Variants in CCDC146 observed in about 807,000 individuals in gnomAD.
CCDC146 encodes coiled-coil domain containing 146.
Under a neutral mutation model 119.3 loss-of-function variants are expected in CCDC146, and 92 were observed. That is an observed-to-expected ratio of 0.77 (90% CI 0.65 to 0.92). The LOEUF is 0.92. CCDC146 is among the 40% of genes least tolerant of loss of function. The pLI is 0.00. For synonymous variants in CCDC146, 372 were observed against 371.8 expected (o/e 1.00, Z -0.01); for missense variants, 1,000 against 1,103.0 (o/e 0.91, Z 1.32).
chr7:77,259,347 C>G, intron 7 of CCDC146: 1 of 315,478 alleles, frequency 3.2e-6, no homozygotes, highest in Non-Finnish European at 5.9e-6. Flanking sequence ...TTTAACAGAG[C>G]GGTGCATGGG....
At chr7:77,140,137 C>G (rs1167912782) in intron 1 of CCDC146, among the ~76,000 whole-genome samples, 1 of 151,754 alleles carries the variant, frequency 6.6e-6, no homozygotes, top group African/African-American at 2.4e-5. Context: ...TCAGATGATC[C>G]GCCTGCCTCG....
rs1420223623 is a variant in CCDC146 at position 77,167,721 on chromosome 7, A to C, written c.53A>C (p.Glu18Ala). The change falls in exon 2 of 19, where the codon GAA (glutamate) becomes GCA (alanine). Residue 18 changes from glutamate (E) to alanine (A), a missense_variant. Transcript: ENST00000285871. ...TEKEEEEEKD[E>A]KDQEPIYAIV... is the part of the protein sequence containing the mutation. ...AAAGAAGAGGAAGAGGAGAAAGATG[A>C]AAAGGATCAAGAGCCCATTTATGCC... 1 of 1,607,948 alleles carries C rather than the reference A, an allele frequency of 6.2e-7. No homozygotes were observed. The highest frequency in any genetic ancestry group is 8.5e-7 in the Non-Finnish European group (1 of 1,177,438).
chr7:77,267,341 G>C (rs1793425733), intron 9 of CCDC146, among the ~76,000 whole-genome samples: 1 of 152,134 alleles, frequency 6.6e-6, no homozygotes, highest in South Asian at 2.1e-4. Context: ...TCAGATAGAA[G>C]CTCTGTAGTT....
chr7:77,196,372 G>T lies in CCDC146; in HGVS notation c.156+28548G>T. ...GGTGTGCCTCACTTACACCAGGCCA[G>T]GTACCCCAGAAAATCCCATTACGGA... On this transcript the variant is annotated intron_variant, in intron 2 of 18. Coordinates refer to ENST00000285871, the MANE Select transcript of CCDC146 (RefSeq NM_020879.3). This position sits in a 1 kb window ranked among gnomAD's most constrained non-coding sequence, Gnocchi z 4.2. The T allele has an allele frequency of 6.2e-7, 1 of 1,614,116 alleles. No homozygotes were observed. The highest frequency in any genetic ancestry group is 8.5e-7 in the Non-Finnish European group (1 of 1,180,008).
chr7:77,202,566 T>C (rs1792012627), intron 2 of CCDC146, among the ~76,000 whole-genome samples: 1 of 152,160 alleles, frequency 6.6e-6, no homozygotes, highest in African/African-American at 2.4e-5. Context: ...AGAGAACTCC[T>C]CTGTTGACCA....
chr7:77,217,698 C>G, intron 2 of CCDC146, among the ~76,000 whole-genome samples: 1 of 152,006 alleles, frequency 6.6e-6, no homozygotes, highest in African/African-American at 2.4e-5. Context: ...AGTGTACTTA[C>G]ACAAACCTAG....
chr7:77,263,389 G>A (rs1793339782), intron 9 of CCDC146, among the ~76,000 whole-genome samples: 1 of 152,312 alleles, frequency 6.6e-6, no homozygotes. Context: ...AGCCGGGAAT[G>A]CTGAGCCAAC....
chr7:77,291,822 G>A (rs898957996), intron 17 of CCDC146, among the ~76,000 whole-genome samples: 1 of 152,160 alleles, frequency 6.6e-6, no homozygotes, highest in African/African-American at 2.4e-5. Flanking sequence ...TGCACACCAG[G>A]AATTATGATC....
At chr7:77,170,203 C>T (rs1207904275) in intron 2 of CCDC146, among the ~76,000 whole-genome samples, 3 of 152,022 alleles carry the variant, frequency 2.0e-5, no homozygotes, top group African/African-American at 7.2e-5. Flanking sequence ...TGTATAGCTC[C>T]CACTTATAAA....
chr7:77,177,276 G>A (rs887051232), intron 2 of CCDC146, among the ~76,000 whole-genome samples: 2 of 151,760 alleles, frequency 1.3e-5, no homozygotes, highest in East Asian at 1.9e-4. Context: ...AATTTTTTTC[G>A]AGGAATTAAA....
intron 11 of CCDC146, 124 bp from the exon 12 acceptor site, chr7:77,278,628 A>G: frequency 1.5e-6 from 1 of 658,090 alleles, no homozygotes. Context: ...TTATTTTTGT[A>G]GAGATGAGGT....
chr7:77,131,676 C>A (rs553215018), intron 1 of CCDC146, among the ~76,000 whole-genome samples: 25 of 152,344 alleles, frequency 1.6e-4, no homozygotes, highest in African/African-American at 5.8e-4. Flanking sequence ...CAAGATCGTG[C>A]CACTGCACTT....
chr7:77,206,648 C>CATATATATATATAT (rs59790661), intron 2 of CCDC146, among the ~76,000 whole-genome samples: 9 of 139,218 alleles, frequency 6.5e-5, no homozygotes, highest in African/African-American at 2.4e-4. Flanking sequence ...AAGAAACATA[C>CATATATATATATAT]ATATATATAT....
chr7:77,199,747 G>C, intron 2 of CCDC146: 10 of 1,614,098 alleles, frequency 6.2e-6, no homozygotes, highest in Non-Finnish European at 8.5e-6. Context: ...AAAACCGTAA[G>C]TGGCAAGAAC....
At chr7:77,199,598 T>C in intron 2 of CCDC146, 1 of 1,614,204 alleles carries the variant, frequency 6.2e-7, no homozygotes, top group Non-Finnish European at 8.5e-7. Context: ...GGGAGCTGAA[T>C]AGTCAAGGGG....
At chr7:77,232,701 C>T (rs1262802855) in intron 2 of CCDC146, among the ~76,000 whole-genome samples, 1 of 152,210 alleles carries the variant, frequency 6.6e-6, no homozygotes, top group Non-Finnish European at 1.5e-5. Context: ...TGCCCAGGGT[C>T]TCCCTGTAGA....
At chr7:77,177,861 T>A (rs975343671) in intron 2 of CCDC146, among the ~76,000 whole-genome samples, 8 of 152,224 alleles carry the variant, frequency 5.3e-5, no homozygotes, top group Admixed American at 4.6e-4. Context: ...CTGTCAAGAA[T>A]CTTTAAAGAG....
At chr7:77,163,811 A>C (rs983509531) in intron 1 of CCDC146, among the ~76,000 whole-genome samples, 2 of 150,634 alleles carry the variant, frequency 1.3e-5, no homozygotes, top group African/African-American at 4.9e-5. Flanking sequence ...CTAATCTGCT[A>C]CTATTGTTTA....
At chr7:77,143,010 A>T (rs1790959393) in intron 1 of CCDC146, among the ~76,000 whole-genome samples, 1 of 151,834 alleles carries the variant, frequency 6.6e-6, no homozygotes. Context: ...ACAATGGTTG[A>T]ACTAGTTTAC....
Sources: gnomAD v4.1 joint callset for allele counts (sites outside exome capture counted in the v4.1 genomes callset) on GRCh38, gnomAD v4.1.1 for gene constraint, Gnocchi (gnomAD v3.1) non-coding constraint, MANE v1.5 for transcripts, NCBI Gene and HGNC (gene_info 2026-07-23, HGNC 2026-07-21) for gene names.